Variants in BABAM2 observed in about 807,000 individuals in gnomAD.
The protein encoded by BABAM2 is BRISC and BRCA1-A complex member 2.
BABAM2 carries 31 observed loss-of-function variants against 54.7 expected under a neutral mutation model. The observed-to-expected ratio is 0.57, with a 90% CI of 0.43 to 0.77. The LOEUF is 0.77. BABAM2 is among the 30% of genes least tolerant of loss of function. BABAM2 has a pLI of 0.00. For missense variants in BABAM2, 364 were observed against 455.8 expected, an observed-to-expected ratio of 0.80 and a Z score of 1.83; for synonymous variants, 167 against 162.9, an observed-to-expected ratio of 1.03 and a Z score of -0.19.
chr2:28,274,364 A>G (rs1438549049), intron 10 of BABAM2, among the ~76,000 whole-genome samples: 4 of 152,200 alleles, frequency 2.6e-5, no homozygotes, highest in African/African-American at 9.7e-5. Flanking sequence ...CTTAATTGTC[A>G]TATGTATTTG....
chr2:28,033,932 G>T (rs1676478286), intron 5 of BABAM2, among the ~76,000 whole-genome samples: 1 of 151,896 alleles, frequency 6.6e-6, no homozygotes, highest in Admixed American at 6.6e-5. Flanking sequence ...CCTTAATAAT[G>T]ATTTATGCTT....
At chr2:28,321,122 C>T (rs1689989214) in intron 11 of BABAM2, among the ~76,000 whole-genome samples, 1 of 151,908 alleles carries the variant, frequency 6.6e-6, no homozygotes, top group African/African-American at 2.4e-5. Flanking sequence ...AGGAGGTCCT[C>T]AATGTGTGTG....
In BABAM2 at chr2:28,270,269, G is replaced by A. The variant is rs181284032; in HGVS notation, c.934+25407G>A. 1.3e-4 allele frequency among the ~76,000 whole-genome samples: 20 copies of A among 152,114 alleles called. No homozygotes were observed. In the East Asian group the frequency reaches 1.9e-3, roughly 15 times the overall value. On this transcript the variant is annotated intron_variant, in intron 10 of 11. Coordinates refer to ENST00000379624, the MANE Select transcript of BABAM2 (RefSeq NM_199191.3). The stretch of plus-strand genomic sequence containing the variant: ...CCTGAGTAGCTGTGGTTACAGGCAC[G>A]TCCCAGCACACCTAGCTGATTTTTT...
chr2:28,076,661 AT>A (rs1253801933), intron 6 of BABAM2, among the ~76,000 whole-genome samples: 1 of 151,078 alleles, frequency 6.6e-6, no homozygotes, highest in African/African-American at 2.4e-5. Flanking sequence ...ATGCCTGGCT[AT>A]TTTTTTTGTT....
chr2:27,954,540 G>A (rs912530358), intron 3 of BABAM2, among the ~76,000 whole-genome samples: 1 of 152,154 alleles, frequency 6.6e-6, no homozygotes, highest in Non-Finnish European at 1.5e-5. Context: ...TGATTCTTAA[G>A]GGTCAAAATT....
intron 10 of BABAM2, among the ~76,000 whole-genome samples, chr2:28,273,144 T>G (rs1685570046): frequency 6.6e-6 from 1 of 152,220 alleles, no homozygotes; most frequent in African/African-American, 2.4e-5. Flanking sequence ...TCCATCCAGC[T>G]TTTAATGGCA....
chr2:28,116,702 T>G (rs1479448379), intron 6 of BABAM2, among the ~76,000 whole-genome samples: 2 of 152,196 alleles, frequency 1.3e-5, no homozygotes, highest in African/African-American at 4.8e-5. Context: ...GAAAAGGATA[T>G]CAGACCAAGA....
chr2:28,164,106 A>C (rs1470429977), intron 7 of BABAM2, among the ~76,000 whole-genome samples: 3 of 152,256 alleles, frequency 2.0e-5, no homozygotes, highest in Non-Finnish European at 4.4e-5. Context: ...ACCAAGGATC[A>C]TAGGGATGGA....
At chr2:28,000,668 G>A (rs1558648097) in intron 4 of BABAM2, among the ~76,000 whole-genome samples, 1 of 152,044 alleles carries the variant, frequency 6.6e-6, no homozygotes, top group Non-Finnish European at 1.5e-5. Flanking sequence ...GAATTCTACT[G>A]CCTGGAAGAT....
chr2:27,896,186 G>C (rs569411683), intron 2 of BABAM2: 1 of 152,642 alleles, frequency 6.6e-6, no homozygotes, highest in South Asian at 2.1e-4. Flanking sequence ...AAATGAAGCT[G>C]TTGATATGGA....
intron 3 of BABAM2, among the ~76,000 whole-genome samples, chr2:27,936,963 A>C (rs1017576887): frequency 2.0e-5 from 3 of 152,028 alleles, no homozygotes; most frequent in Non-Finnish European, 4.4e-5. Context: ...ATAACAAATA[A>C]ATTAAAAAAA....
At chr2:28,212,592 A>T (rs1679566396) in intron 7 of BABAM2, among the ~76,000 whole-genome samples, 1 of 152,198 alleles carries the variant, frequency 6.6e-6, no homozygotes, top group African/African-American at 2.4e-5. Context: ...CTTTAGCATC[A>T]ACATTAAAAG....
intron 7 of BABAM2, among the ~76,000 whole-genome samples, chr2:28,178,480 A>G (rs896008532): frequency 4.6e-5 from 7 of 152,118 alleles, no homozygotes; most frequent in African/African-American, 1.7e-4. Flanking sequence ...GCACACCACA[A>G]CCTATGAGAT....
intron 7 of BABAM2, among the ~76,000 whole-genome samples, chr2:28,147,339 A>G (rs972022921): frequency 6.6e-6 from 1 of 152,118 alleles, no homozygotes; most frequent in African/African-American, 2.4e-5. Flanking sequence ...TTGTGATAGA[A>G]CTCTCATTAA....
chr2:28,169,083 T>C (rs1213528535), intron 7 of BABAM2, among the ~76,000 whole-genome samples: 1 of 152,216 alleles, frequency 6.6e-6, no homozygotes, highest in Non-Finnish European at 1.5e-5. Flanking sequence ...TATGGGCTTA[T>C]TTAAAACTTT....
intron 11 of BABAM2, among the ~76,000 whole-genome samples, chr2:28,317,226 C>T (rs914241538): frequency 6.6e-6 from 1 of 152,172 alleles, no homozygotes. Context: ...CCTGACTAAG[C>T]GTCCTGCGGT....
intron 3 of BABAM2, among the ~76,000 whole-genome samples, chr2:27,937,265 TA>T (rs1668553926): frequency 1.3e-5 from 2 of 152,170 alleles, no homozygotes; most frequent in South Asian, 2.1e-4. Flanking sequence ...CAAAAGTCTG[TA>T]AATGTTCAGT....
At chr2:28,205,181 T>TCGGTGG in intron 7 of BABAM2, among the ~76,000 whole-genome samples, 1 of 152,134 alleles carries the variant, frequency 6.6e-6, no homozygotes, top group East Asian at 1.9e-4. Context: ...TTACTGCAGC[T>TCGGTGG]TTGCCTAACC....
At chr2:28,092,288 C>G (rs1165699112) in intron 6 of BABAM2, among the ~76,000 whole-genome samples, 1 of 152,078 alleles carries the variant, frequency 6.6e-6, no homozygotes, top group East Asian at 1.9e-4. Context: ...CCTTTGTTTA[C>G]AGACACTGTA....
Sources: gnomAD v4.1 joint callset for allele counts (sites outside exome capture counted in the v4.1 genomes callset) on GRCh38, gnomAD v4.1.1 for gene constraint, MANE v1.5 for transcripts, NCBI Gene and HGNC (gene_info 2026-07-23, HGNC 2026-07-21) for gene names.